The following ABHD12 variants were observed in gnomAD, a reference collection of about 807,000 sequenced individuals.
ABHD12 encodes the protein abhydrolase domain containing 12, lysophospholipase.
A neutral mutation model predicts 58.3 loss-of-function variants in ABHD12; 43 were observed. The ratio of observed to expected loss-of-function variants is 0.74; its 90% CI spans 0.58 to 0.95. The LOEUF is 0.95. Ranked by LOEUF, ABHD12 falls within the 40% of genes least tolerant of loss-of-function variation. The pLI, the probability that ABHD12 is intolerant of heterozygous loss-of-function variation, is 0.00. For synonymous variants in ABHD12, 219 were observed against 211.2 expected, an observed-to-expected ratio of 1.04 and a Z score of -0.32; for missense variants, 539 against 537.2, an observed-to-expected ratio of 1.00 and a Z score of -0.03.
chr20:25,385,331 C>CAAAAAAAAAAAAAAAAAAAAAAAAAAAAA (rs11477490), intron 1 of ABHD12, among the ~76,000 whole-genome samples: 1 of 51,716 alleles, frequency 1.9e-5, no homozygotes. Context: ...GAGTGAGACT[C>CAAAAAAAAAAAAAAAAAAAAAAAAAAAAA]AAAAAAAAAA....
chr20:25,341,361 ACT>A (rs1322938823), intron 1 of ABHD12, among the ~76,000 whole-genome samples: 4 of 152,242 alleles, frequency 2.6e-5, no homozygotes, highest in Non-Finnish European at 4.4e-5. Context: ...ACAAGAGTTA[ACT>A]AGATGATGGG....
chr20:25,322,094 C>T (rs1052912844), intron 3 of ABHD12, among the ~76,000 whole-genome samples: 3 of 152,050 alleles, frequency 2.0e-5, no homozygotes, highest in Non-Finnish European at 2.9e-5. Context: ...TTCAGGCTCA[C>T]TTCTCAGAGA....
chr20:25,296,152 C>T (rs568582214), downstream of ABHD12, among the ~76,000 whole-genome samples: 33 of 152,266 alleles, frequency 2.2e-4, no homozygotes, highest in African/African-American at 7.9e-4. Context: ...GGGACCTTCT[C>T]TCCAGCTCCT....
intron 2 of ABHD12, among the ~76,000 whole-genome samples, chr20:25,325,825 C>T (rs1294084164): frequency 3.3e-5 from 5 of 152,074 alleles, no homozygotes; most frequent in African/African-American, 9.6e-5. Context: ...AAACCTAGCA[C>T]TTTGGGAGGC....
At chr20:25,305,510 G>A (rs1600765446) in intron 10 of ABHD12, among the ~76,000 whole-genome samples, 1 of 151,750 alleles carries the variant, frequency 6.6e-6, no homozygotes, top group Admixed American at 6.6e-5. Context: ...CTACAGGCAC[G>A]AGCCACCACA....
chr20:25,378,630 C>G (rs2089987149), intron 1 of ABHD12, among the ~76,000 whole-genome samples: 1 of 151,868 alleles, frequency 6.6e-6, no homozygotes, highest in Non-Finnish European at 1.5e-5. Flanking sequence ...ACGAACAGTT[C>G]AGTCAATATA....
In ABHD12 at chr20:25,387,589, T is replaced by TAAAAAAAAAAAAA. The variant is rs779293077; in HGVS notation, c.191+2923_191+2924insTTTTTTTTTTTTT. Among the ~76,000 whole-genome samples, 17 of 85,226 alleles carry TAAAAAAAAAAAAA rather than the reference T, an allele frequency of 2.0e-4. 4 individuals carry two copies. Among genetic ancestry groups the TAAAAAAAAAAAAA allele is most frequent in the East Asian group, 7.5e-4 (1 of 1,328 alleles). 55.9% of individuals were successfully genotyped at this position (85,226 alleles called of 152,430 possible). ...GCAACATAGTGAGACTTCATCTCTA[T>TAAAAAAAAAAAAA]TAAAAAAAAAAAAAAAAAATTAACC... On this transcript the variant is annotated intron_variant, in intron 1 of 12. Coordinates refer to ENST00000339157, the MANE Select transcript of ABHD12 (RefSeq NM_001042472.3).
rs575239708 is a variant in ABHD12, at chr20:25,294,831, G to T, written c.*142C>A. ...AGTTACAGACTTTGTAAGGTTTGCA[G>T]CTCAGGGCAGTTCTTCACCGTTGGC... On this transcript the variant is annotated 3_prime_UTR_variant, in exon 13 of 13. Coordinates refer to the ABHD12 transcript ENST00000376542. The T allele has an allele frequency of 1.5e-4, 127 of 858,558 alleles. No individual in the cohort carries two copies. In the African/African-American group the frequency reaches 1.7e-3, roughly 12 times the overall value. The allele number at this position is 858,558 out of a possible 1,614,324, so 53.2% of individuals were successfully genotyped here.
At chr20:25,388,038 C>CAAAA (rs748581834) in intron 1 of ABHD12, among the ~76,000 whole-genome samples, 2 of 58,094 alleles carry the variant, frequency 3.4e-5, no homozygotes, top group Admixed American at 2.0e-4. Context: ...GACTCCTTCT[C>CAAAA]AAAAAAAAAA....
intron 1 of ABHD12, among the ~76,000 whole-genome samples, chr20:25,355,494 G>A (rs973637402): frequency 1.3e-5 from 2 of 152,020 alleles, no homozygotes; most frequent in African/African-American, 2.4e-5. Flanking sequence ...AAATTTAAAG[G>A]GTTTTTTTGT....
In ABHD12 at chr20:25,390,498, C is replaced by CCCA; in HGVS notation, c.191+14_191+15insTGG. On this transcript the variant is annotated intron_variant, in intron 1 of 12. Coordinates refer to ENST00000339157, the MANE Select transcript of ABHD12 (RefSeq NM_001042472.3). ...ACCGGCCCCCCCCCCCCCCCCGCTC[C>CCCA]GCGCGAAGCCTCACCTGCCCAGCGC... 1 of 1,392,974 alleles carries CCCA rather than the reference C, an allele frequency of 7.2e-7. No individual in the cohort carries two copies. Among genetic ancestry groups the CCCA allele is most frequent in the Non-Finnish European group, 9.3e-7 (1 of 1,072,972 alleles). The allele number at this position is 1,392,974 out of a possible 1,614,324, so 86.3% of individuals were successfully genotyped here.
At chr20:25,385,514 C>T (rs1367046794) in intron 1 of ABHD12, among the ~76,000 whole-genome samples, 1 of 151,986 alleles carries the variant, frequency 6.6e-6, no homozygotes, top group East Asian at 1.9e-4. Flanking sequence ...TCTAAACAGA[C>T]GTAGAAGACA....
At chr20:25,360,229 T>A (rs2089727525) in intron 1 of ABHD12, among the ~76,000 whole-genome samples, 1 of 71,350 alleles carries the variant, frequency 1.4e-5, no homozygotes, top group Admixed American at 1.4e-4. Context: ...ACACGTTACT[T>A]TTTTTTTTTT....
chr20:25,299,612 C>CT (rs1253611281), downstream of ABHD12, among the ~76,000 whole-genome samples: 1 of 152,200 alleles, frequency 6.6e-6, no homozygotes, highest in African/African-American at 2.4e-5. Flanking sequence ...GGGCTCTGTG[C>CT]TGGAGTAAAC....
intron 1 of ABHD12, among the ~76,000 whole-genome samples, chr20:25,360,226 A>ATT (rs2089726267): frequency 3.6e-5 from 1 of 27,760 alleles, no homozygotes; most frequent in African/African-American, 1.4e-4. Context: ...TGAACACGTT[A>ATT]CTTTTTTTTT....
At chr20:25,376,033 G>A (rs1174407903) in intron 1 of ABHD12, among the ~76,000 whole-genome samples, 1 of 152,112 alleles carries the variant, frequency 6.6e-6, no homozygotes, top group Non-Finnish European at 1.5e-5. Flanking sequence ...TGAGGCAGGA[G>A]AATGGCATGA....
At chr20:25,336,374 A>G (rs1251876442) in intron 2 of ABHD12, among the ~76,000 whole-genome samples, 1 of 152,136 alleles carries the variant, frequency 6.6e-6, no homozygotes, top group Non-Finnish European at 1.5e-5. Context: ...AAATGTATTT[A>G]AAGTAGAATA....
intron 1 of ABHD12, among the ~76,000 whole-genome samples, chr20:25,342,831 T>C (rs577745759): frequency 6.6e-6 from 1 of 151,932 alleles, no homozygotes; most frequent in South Asian, 2.1e-4. Context: ...CAAGTGATCC[T>C]ACCATCTTGG....
intron 10 of ABHD12, among the ~76,000 whole-genome samples, chr20:25,306,572 G>A (rs533110082): frequency 2.6e-5 from 4 of 152,264 alleles, no homozygotes; most frequent in South Asian, 2.1e-4. Flanking sequence ...TGTAGAGACA[G>A]GGCCCTGCTA....
Sources: gnomAD v4.1 joint callset for allele counts (sites outside exome capture counted in the v4.1 genomes callset) on GRCh38, gnomAD v4.1.1 for gene constraint, MANE v1.5 for transcripts, NCBI Gene and HGNC (gene_info 2026-07-23, HGNC 2026-07-21) for gene names.